IFNGR2: variants seen among roughly 807,000 people sequenced by gnomAD.
IFNGR2 encodes IFN-gamma receptor 2.
In IFNGR2, 15 loss-of-function variants were observed where a neutral mutation model predicts 41.1. The ratio of observed to expected loss-of-function variants is 0.37; its 90% CI spans 0.24 to 0.56. The LOEUF (loss-of-function observed/expected upper bound fraction) is 0.56, where lower values mean the gene tolerates loss of function less well. IFNGR2 is among the 20% of genes least tolerant of loss of function. The pLI, the probability that IFNGR2 is intolerant of heterozygous loss-of-function variation, is 0.81. For synonymous variants in IFNGR2, 161 were observed against 171.6 expected (o/e 0.94, Z 0.48); for missense variants, 362 against 415.7 (o/e 0.87, Z 1.12).
intron 3 of IFNGR2, among the ~76,000 whole-genome samples, chr21:33,423,169 A>C (rs1445879000): frequency 2.0e-5 from 3 of 147,836 alleles, no homozygotes; most frequent in Non-Finnish European, 3.0e-5. Context: ...CCTCCCGAGT[A>C]GCTGGGACTA....
At chr21:33,423,603 C>T (rs992895559) in intron 3 of IFNGR2, among the ~76,000 whole-genome samples, 2 of 151,564 alleles carry the variant, frequency 1.3e-5, no homozygotes, top group Non-Finnish European at 2.9e-5. Context: ...GGGATTTCAC[C>T]ATGTTGTCCA....
At chr21:33,415,087 A>G (rs2083745001) in intron 2 of IFNGR2, 67 bp downstream of exon 2, 6 of 1,559,236 alleles carry the variant, frequency 3.8e-6, no homozygotes, top group Middle Eastern at 2.0e-4. Flanking sequence ...CCCTGGGGCC[A>G]CATACTAGTC....
chr21:33,416,379 A>G (rs17644622), intron 2 of IFNGR2, among the ~76,000 whole-genome samples: 2,580 of 152,346 alleles, frequency 0.017, 30 homozygotes, highest in Middle Eastern at 0.034. Context: ...GCAACTCTGT[A>G]AACTTTGGCA....
At chr21:33,428,106 A>T (rs1021304729) in intron 4 of IFNGR2, among the ~76,000 whole-genome samples, 9 of 152,104 alleles carry the variant, frequency 5.9e-5, no homozygotes, top group African/African-American at 2.2e-4. Flanking sequence ...GTCAGCAGCG[A>T]ATCACTGGCA....
chr21:33,408,275 C>A, intron 1 of IFNGR2, among the ~76,000 whole-genome samples: 1 of 152,082 alleles, frequency 6.6e-6, no homozygotes, highest in Admixed American at 6.6e-5. Context: ...TGACTCACTG[C>A]AACCTCCACC....
At chr21:33,411,335 C>T (rs1341300658) in intron 1 of IFNGR2, 15 of 412,204 alleles carry the variant, frequency 3.6e-5, no homozygotes, top group Admixed American at 1.1e-4. Context: ...CCACCCACCC[C>T]GGAGCCCCTT....
chr21:33,408,502 A>G (rs766404421), intron 1 of IFNGR2, among the ~76,000 whole-genome samples: 8 of 152,138 alleles, frequency 5.3e-5, no homozygotes, highest in Middle Eastern at 3.4e-3. Flanking sequence ...AGCCCCTCCT[A>G]TTCCTAAATA....
intron 4 of IFNGR2, among the ~76,000 whole-genome samples, chr21:33,430,650 G>T (rs2083878168): frequency 6.6e-6 from 1 of 151,874 alleles, no homozygotes; most frequent in African/African-American, 2.4e-5. Context: ...GAGGGAGGGG[G>T]TCTCACTATG....
intron 6 of IFNGR2, among the ~76,000 whole-genome samples, chr21:33,434,320 G>A (rs1452025063): frequency 2.0e-5 from 3 of 152,074 alleles, no homozygotes; most frequent in East Asian, 3.9e-4. Flanking sequence ...TCAGGAGTTC[G>A]AGACCAGCCT....
rs2083840380 is a variant in IFNGR2, at chr21:33,426,819, C to A, written c.413-65C>A. The stretch of plus-strand genomic sequence containing the variant: ...CATATATATATAGCATTATATAATA[C>A]ATTGTATTATATCTATAATACATAT... On this transcript the variant is annotated intron_variant, in intron 3 of 6. Coordinates refer to ENST00000290219, the MANE Select transcript of IFNGR2 (RefSeq NM_005534.4). 13 of 1,130,506 alleles carry A rather than the reference C, an allele frequency of 1.1e-5. No homozygotes were observed. In the South Asian group the frequency reaches 1.4e-4, roughly 12 times the overall value. 70.0% of individuals were successfully genotyped at this position (1,130,506 alleles called of 1,614,324 possible).
chr21:33,414,584 G>A (rs570784373), intron 1 of IFNGR2, among the ~76,000 whole-genome samples: 1 of 152,268 alleles, frequency 6.6e-6, no homozygotes, highest in African/African-American at 2.4e-5. Flanking sequence ...TGGTAGAACT[G>A]GGACCCCAGT....
chr21:33,431,205 G>C (rs1232676691), intron 4 of IFNGR2, among the ~76,000 whole-genome samples: 1 of 152,226 alleles, frequency 6.6e-6, no homozygotes, highest in Non-Finnish European at 1.5e-5. Flanking sequence ...GGTTGGGAAT[G>C]AAAGGAACAT....
intron 1 of IFNGR2, chr21:33,411,466 C>A (rs191402320): frequency 8.5e-6 from 4 of 470,916 alleles, no homozygotes; most frequent in South Asian, 6.2e-5. Context: ...GGTGAACAGG[C>A]GTGTGGAGGG....
intron 4 of IFNGR2, among the ~76,000 whole-genome samples, chr21:33,428,362 C>T (rs1407726855): frequency 2.0e-5 from 3 of 152,040 alleles, no homozygotes; most frequent in Non-Finnish European, 4.4e-5. Context: ...GCTGGAACTA[C>T]AGGCCTGTGC....
In IFNGR2 at chr21:33,436,986, T is replaced by C. The variant is rs145162057; in HGVS notation, c.*24T>C. ...GAACCAAAGCATGGGCCTAGCCCAC[T>C]GGCTCCCTGGAAGAGATCAAGCCAT... is the stretch of plus-strand genomic sequence containing the variant. On this transcript the variant is annotated 3_prime_UTR_variant, in exon 7 of 7. Coordinates refer to ENST00000290219, the MANE Select transcript of IFNGR2 (RefSeq NM_005534.4). 4.9e-5 allele frequency: 79 copies of C among 1,613,248 alleles called. 1 individual carries two copies. In the African/African-American group the frequency reaches 8.4e-4, roughly 17 times the overall value.
intron 2 of IFNGR2, among the ~76,000 whole-genome samples, chr21:33,418,443 T>C (rs1306574193): frequency 6.6e-6 from 1 of 152,216 alleles, no homozygotes; most frequent in African/African-American, 2.4e-5. Context: ...ATGATTTCTT[T>C]TTCTTTTTCA....
chr21:33,405,476 C>T (rs1203104941), intron 1 of IFNGR2, among the ~76,000 whole-genome samples: 1 of 152,154 alleles, frequency 6.6e-6, no homozygotes, highest in Non-Finnish European at 1.5e-5. Context: ...CCTCCCTAGG[C>T]CTCCTCCTAA....
rs1048355790 is a variant in IFNGR2, at chr21:33,436,725, AAAAATAAAAATAAAAAT to A, written c.880-92_880-76del. The A allele has an allele frequency of 8.1e-5, 78 of 964,512 alleles. 1 individual carries two copies. The Middle Eastern group carries it at 9.6e-4, about 12-fold the overall frequency. The allele number at this position is 964,512 out of a possible 1,614,324, so 59.7% of individuals were successfully genotyped here. ...CAAGAGTAAGACTCCATCTCAAAAA[AAAAATAAAAATAAAAAT>A]AAAATAAAAACAAAAACTAAAGTTA... On this transcript the variant is annotated intron_variant, in intron 6 of 6. Coordinates refer to ENST00000290219, the MANE Select transcript of IFNGR2 (RefSeq NM_005534.4).
chr21:33,431,721 C>T (rs1157878782), intron 4 of IFNGR2, among the ~76,000 whole-genome samples: 1 of 152,208 alleles, frequency 6.6e-6, no homozygotes, highest in Non-Finnish European at 1.5e-5. Context: ...CAGGTGTGTG[C>T]CACCACATCC....
Sources: allele counts gnomAD v4.1 joint callset (sites outside exome capture counted in the v4.1 genomes callset), GRCh38; gene constraint gnomAD v4.1.1; transcripts MANE v1.5; gene names NCBI Gene and HGNC (gene_info 2026-07-23, HGNC 2026-07-21).